The following MARCHF8 variants were observed in gnomAD, a reference collection of about 807,000 sequenced individuals.
The protein encoded by MARCHF8 is membrane associated ring-CH-type finger 8, also known as E3 ubiquitin-protein ligase MARCHF8.
MARCHF8 carries 40 observed loss-of-function variants against 51.6 expected under a neutral mutation model. That is an observed-to-expected ratio of 0.77 (90% CI 0.60 to 1.01). The LOEUF is 1.01. Ranked by LOEUF, MARCHF8 falls within the 50% of genes least tolerant of loss-of-function variation. MARCHF8 has a pLI of 0.00. For missense variants in MARCHF8, 685 were observed against 708.6 expected, an observed-to-expected ratio of 0.97 and a Z score of 0.38; for synonymous variants, 263 against 280.3, an observed-to-expected ratio of 0.94 and a Z score of 0.62.
intron 1 of MARCHF8, among the ~76,000 whole-genome samples, chr10:45,565,100 C>CA (rs1209000627): frequency 6.6e-6 from 1 of 151,492 alleles, no homozygotes; most frequent in African/African-American, 2.4e-5. Flanking sequence ...CTGTTGAAAG[C>CA]AATAACAACA....
intron 2 of MARCHF8, among the ~76,000 whole-genome samples, chr10:45,526,928 C>T (rs1429345813): frequency 1.3e-5 from 2 of 152,172 alleles, no homozygotes; most frequent in African/African-American, 2.4e-5. Context: ...AAGTTGTCTT[C>T]TCAGACTACA....
chr10:45,589,280 T>G (rs1291818412), intron 1 of MARCHF8, among the ~76,000 whole-genome samples: 1 of 152,164 alleles, frequency 6.6e-6, no homozygotes, highest in Non-Finnish European at 1.5e-5. Context: ...AGCTGTGGGA[T>G]CCTCTGAAGG....
chr10:45,535,664 A>G (rs1276089116), upstream of MARCHF8, among the ~76,000 whole-genome samples: 1 of 152,256 alleles, frequency 6.6e-6, no homozygotes, highest in African/African-American at 2.4e-5. Context: ...AAAACAGGCC[A>G]TGCCATTTTT....
chr10:45,581,208 T>C (rs1013481339), intron 1 of MARCHF8, among the ~76,000 whole-genome samples: 1 of 152,124 alleles, frequency 6.6e-6, no homozygotes, highest in Admixed American at 6.5e-5. Flanking sequence ...TAATGGCACC[T>C]AGTAGGAAGA....
At chr10:45,507,338 C>G (rs2043404526) in intron 2 of MARCHF8, among the ~76,000 whole-genome samples, 2 of 152,166 alleles carry the variant, frequency 1.3e-5, no homozygotes, top group Admixed American at 6.5e-5. Context: ...AAAGGAATAC[C>G]TGAGGCTGGG....
At chr10:45,592,089 G>T (rs1051148018) in intron 1 of MARCHF8, among the ~76,000 whole-genome samples, 1 of 152,088 alleles carries the variant, frequency 6.6e-6, no homozygotes, top group Non-Finnish European at 1.5e-5. Context: ...CATCAACCTG[G>T]CTCTCCAAAC....
At chr10:45,546,707 A>C (rs2044127456) in intron 1 of MARCHF8, among the ~76,000 whole-genome samples, 1 of 151,478 alleles carries the variant, frequency 6.6e-6, no homozygotes, top group Non-Finnish European at 1.5e-5. Context: ...ACTTGAGCCC[A>C]GGGGACAGAG....
chr10:45,587,538 T>C (rs1473996336), intron 1 of MARCHF8, among the ~76,000 whole-genome samples: 1 of 152,176 alleles, frequency 6.6e-6, no homozygotes, highest in Non-Finnish European at 1.5e-5. Context: ...CAATCCCAAT[T>C]GAAACCACAA....
At chr10:45,565,986 C>T (rs2044360121) in intron 1 of MARCHF8, among the ~76,000 whole-genome samples, 1 of 152,268 alleles carries the variant, frequency 6.6e-6, no homozygotes, top group East Asian at 1.9e-4. Context: ...CATGTATTTT[C>T]TCCATTGGCA....
Position 45,458,410 on chromosome 10 carries a change from C to CA in MARCHF8, c.1550dup (p.Ile518AspfsTer16), listed in dbSNP as rs759766313. 5.4e-5 allele frequency: 87 copies of CA among 1,614,024 alleles called. No homozygotes were observed. The highest frequency in any genetic ancestry group is 7.1e-5 in the Non-Finnish European group (84 of 1,180,024). On this transcript the variant is annotated frameshift_variant, in exon 8 of 8. Coordinates refer to ENST00000453424, the MANE Select transcript of MARCHF8 (RefSeq NM_001282866.2). LOFTEE classifies it high-confidence loss of function. ...TTTCTGGACAGTTTTGAACATAGAT[C>CA]ACTCTATTATAGGCCTTGAGTCTCT... is the stretch of plus-strand genomic sequence containing the variant.
chr10:45,482,017 C>T (rs1753692649), intron 3 of MARCHF8, among the ~76,000 whole-genome samples: 1 of 152,010 alleles, frequency 6.6e-6, no homozygotes, highest in Non-Finnish European at 1.5e-5. Flanking sequence ...TTTCTATACA[C>T]CAATAATGAA....
At position 45,455,878 on chromosome 10, in the gene MARCHF8, G is replaced by T. The variant is rs564462930; in HGVS notation, c.*2361C>A. On this transcript the variant is annotated 3_prime_UTR_variant, in exon 8 of 8. Coordinates refer to ENST00000453424, the MANE Select transcript of MARCHF8 (RefSeq NM_001282866.2). ...AAAGAAGGGAGAGGGCTTCCCATGA[G>T]AATCTGGCTGGGCATGGGAGGGATA... is the stretch of plus-strand genomic sequence containing the variant. 14 of 152,526 alleles carry T rather than the reference G, an allele frequency of 9.2e-5. No homozygotes were observed. Among genetic ancestry groups the T allele is most frequent in the African/African-American group, 3.1e-4 (13 of 41,588 alleles). The allele number at this position is 152,526 out of a possible 1,614,324, so 9.4% of individuals were successfully genotyped here.
intron 3 of MARCHF8, among the ~76,000 whole-genome samples, chr10:45,472,962 G>A (rs565927046): frequency 1.5e-3 from 232 of 152,276 alleles, no homozygotes; most frequent in African/African-American, 5.1e-3. Flanking sequence ...AATAAATTAA[G>A]AAAGCACATT....
intron 1 of MARCHF8, among the ~76,000 whole-genome samples, chr10:45,591,343 T>C (rs980150887): frequency 3.3e-5 from 5 of 152,100 alleles, no homozygotes; most frequent in African/African-American, 1.2e-4. Context: ...CGTGTGCCCA[T>C]AGTCCTAGCT....
chr10:45,458,408 A>G lies in MARCHF8; in HGVS notation c.1553T>C (p.Ile518Thr). 1 of 1,614,208 alleles carries G rather than the reference A, an allele frequency of 6.2e-7. No homozygotes were observed. The highest frequency in any genetic ancestry group is 8.5e-7 in the Non-Finnish European group (1 of 1,180,034). ...TGTTTCTGGACAGTTTTGAACATAG[A>G]TCACTCTATTATAGGCCTTGAGTCT... ...WKRLKAYNRVIYVQNCPETSK... is the reference protein window; with the variant it reads ...WKRLKAYNRVTYVQNCPETSK... Residue 518 changes from isoleucine (I) to threonine (T), a missense_variant, in exon 8 of 8, where the codon ATC becomes ACC. Coordinates refer to ENST00000453424, the MANE Select transcript of MARCHF8 (RefSeq NM_001282866.2).
At chr10:45,533,039 C>T (rs2043912826) in intron 2 of MARCHF8, 71 bp downstream of exon 2, 1 of 1,194,582 alleles carries the variant, frequency 8.4e-7, no homozygotes, top group Non-Finnish European at 1.1e-6. Context: ...AGAGTTTAAG[C>T]ACTGTTCTAG....
chr10:45,512,609 C>T (rs1161983405), intron 2 of MARCHF8, among the ~76,000 whole-genome samples: 3 of 146,870 alleles, frequency 2.0e-5, no homozygotes, highest in African/African-American at 7.5e-5. Flanking sequence ...GTGGGGGGGT[C>T]AGCCCCCCGC....
At position 45,485,899 on chromosome 10, in the gene MARCHF8, T is replaced by C. The variant is rs75518030; in HGVS notation, c.153+3468A>G. On this transcript the variant is annotated intron_variant, in intron 3 of 7. Coordinates refer to ENST00000453424, the MANE Select transcript of MARCHF8 (RefSeq NM_001282866.2). ...TTTAATCTCAAGAGTATGTCTGCTA[T>C]ACTGAAGATACGATTTTACATGTCA... is the stretch of plus-strand genomic sequence containing the variant. Among the ~76,000 whole-genome samples, 578 of 152,270 alleles carry C rather than the reference T, an allele frequency of 3.8e-3. 3 individuals are homozygous for C. The highest frequency in any genetic ancestry group is 0.013 in the African/African-American group (553 of 41,564).
intron 2 of MARCHF8, among the ~76,000 whole-genome samples, chr10:45,525,355 C>A (rs1404567667): frequency 6.6e-6 from 1 of 152,204 alleles, no homozygotes; most frequent in Non-Finnish European, 1.5e-5. Flanking sequence ...ATAAGTTGAT[C>A]ATTGAATTAC....
Sources: gnomAD v4.1 joint callset for allele counts (sites outside exome capture counted in the v4.1 genomes callset) on GRCh38, gnomAD v4.1.1 for gene constraint, MANE v1.5 for transcripts, NCBI Gene and HGNC (gene_info 2026-07-23, HGNC 2026-07-21) for gene names.